The following UBXN2B variants were observed in gnomAD, a reference collection of about 807,000 sequenced individuals.
UBXN2B encodes UBX domain-containing protein 2B.
In UBXN2B, 19 loss-of-function variants were observed where a neutral mutation model predicts 37.5. That is an observed-to-expected ratio of 0.51 (90% confidence interval 0.35 to 0.74). The LOEUF (loss-of-function observed/expected upper bound fraction) is 0.74, where lower values mean the gene tolerates loss of function less well. Among genes scored for constraint, UBXN2B ranks in the 30% least tolerant of loss-of-function variants. The pLI is 0.01. For missense variants in UBXN2B, 370 were observed against 393.2 expected, an observed-to-expected ratio of 0.94 and a Z score of 0.50; for synonymous variants, 145 against 143.8, an observed-to-expected ratio of 1.01 and a Z score of -0.06.
At chr8:58,430,177 G>A (rs188124502) in intron 2 of UBXN2B, among the ~76,000 whole-genome samples, 122 of 152,258 alleles carry the variant, frequency 8.0e-4, no homozygotes, top group African/African-American at 2.7e-3. Flanking sequence ...TTTGACTGTT[G>A]ACACTGCTTT....
intron 3 of UBXN2B, among the ~76,000 whole-genome samples, chr8:58,432,375 C>CGTTTTTTTTT (rs1554552059): frequency 1.2e-5 from 1 of 81,520 alleles, no homozygotes; most frequent in Non-Finnish European, 2.1e-5. Context: ...TTCTAAATTT[C>CGTTTTTTTTT]TTTTTTTTTT....
chr8:58,426,215 T>C (rs1808081097), intron 2 of UBXN2B: 1 of 665,146 alleles, frequency 1.5e-6, no homozygotes, highest in Middle Eastern at 4.5e-4. Context: ...TTTTTTTTTT[T>C]TTTTTTTTTG....
intron 1 of UBXN2B, among the ~76,000 whole-genome samples, chr8:58,412,138 CG>C (rs1807655045): frequency 1.3e-5 from 2 of 152,084 alleles, no homozygotes; most frequent in Non-Finnish European, 2.9e-5. Context: ...TCATTTTAGG[CG>C]TTTTTGTGTC....
chr8:58,450,317 G>A lies in UBXN2B; in HGVS notation c.*2766G>A, dbSNP rs183981493. 6.6e-6 allele frequency: 1 copy of A among 152,290 alleles called. No homozygotes were observed. Among genetic ancestry groups the A allele is most frequent in the East Asian group, 1.9e-4 (1 of 5,182 alleles). 9.4% of individuals were successfully genotyped at this position (152,290 alleles called of 1,614,324 possible). A position where few individuals can be genotyped will look rare whatever the true frequency, so the allele number is the denominator to read the frequency against. On this transcript the variant is annotated 3_prime_UTR_variant, in exon 8 of 8. Coordinates refer to ENST00000399598, the MANE Select transcript of UBXN2B (RefSeq NM_001077619.2). The stretch of plus-strand genomic sequence containing the variant: ...CAGCAGGCTGTACCTTCCACAGCTT[G>A]CTTGGAAATATCCTCAGCTAAATAT...
At chr8:58,435,549 C>T (rs533293792) in intron 5 of UBXN2B, among the ~76,000 whole-genome samples, 7 of 152,104 alleles carry the variant, frequency 4.6e-5, no homozygotes, top group East Asian at 1.9e-4. Flanking sequence ...GGAAGAGCTG[C>T]GAGCAACTAG....
chr8:58,433,179 A>T lies in UBXN2B; in HGVS notation c.359A>T (p.Tyr120Phe). Residue 120 changes from tyrosine (Y) to phenylalanine (F), a missense_variant, in exon 4 of 8, where the codon TAC becomes TTC. Physicochemically the swap from Tyr to Phe is conservative, Grantham distance 22 (BLOSUM62 3). This residue lies in a region of UBXN2B where 197 missense variants were observed against 170.2 expected (regional missense o/e 1.16). Transcript: ENST00000399598. ...DKSKSFTGGG[Y>F]RLGSSFCKRS... Reference sequence around the variant, plus strand: ...TTTTAGTCATTTACAGGTGGAGGATACAGATTGGGTAGTTCTTTTTGTAAG... The same window carrying T: ...TTTTAGTCATTTACAGGTGGAGGATTCAGATTGGGTAGTTCTTTTTGTAAG... 1.2e-6 allele frequency: 2 copies of T among 1,612,968 alleles called. No homozygotes were observed. The highest frequency in any genetic ancestry group is 1.7e-6 in the Non-Finnish European group (2 of 1,179,352).
At chr8:58,426,202 CTTTTT>C (rs34005463) in intron 2 of UBXN2B, 751 of 319,662 alleles carry the variant, frequency 2.3e-3, no homozygotes, top group Admixed American at 3.1e-3. Context: ...TGTTCTGAAT[CTTTTT>C]TTTTTTTTTT....
intron 5 of UBXN2B, chr8:58,434,823 A>C: frequency 1.3e-6 from 2 of 1,535,060 alleles, no homozygotes; most frequent in Non-Finnish European, 1.7e-6. Context: ...GTAGCTGCCC[A>C]CCCACTAAGC....
intron 3 of UBXN2B, among the ~76,000 whole-genome samples, chr8:58,431,569 T>C (rs1269067603): frequency 6.6e-6 from 1 of 152,226 alleles, no homozygotes; most frequent in African/African-American, 2.4e-5. Flanking sequence ...GTTTTATTTC[T>C]CTGAGATAAA....
chr8:58,435,162 A>G (rs1808380144), intron 5 of UBXN2B: 1 of 1,338,292 alleles, frequency 7.5e-7, no homozygotes, highest in African/African-American at 1.5e-5. Flanking sequence ...AAAGTTGAGC[A>G]TAAACTGGGG....
At position 58,447,095 on chromosome 8, in the gene UBXN2B, A is replaced by G. The variant is rs866003702; in HGVS notation, c.834-294A>G. Among the ~76,000 whole-genome samples, 14 of 152,094 alleles carry G rather than the reference A, an allele frequency of 9.2e-5. No individual in the cohort carries two copies. The South Asian group carries it at 2.9e-3, about 32-fold the overall frequency. On this transcript the variant is annotated intron_variant, in intron 7 of 7. Transcript: ENST00000399598. Reference sequence around the variant, plus strand: ...ATTACAGGCGTAAGCCACCGTGCCCAGCTGGACCTGCACTTTTAAAATAAC... The same window carrying G: ...ATTACAGGCGTAAGCCACCGTGCCCGGCTGGACCTGCACTTTTAAAATAAC...
intron 6 of UBXN2B, among the ~76,000 whole-genome samples, chr8:58,440,991 CTT>C (rs1585617885): frequency 6.6e-6 from 1 of 150,738 alleles, no homozygotes; most frequent in South Asian, 2.1e-4. Flanking sequence ...GCTTCTCTTT[CTT>C]TCTCTTTTTT....
At chr8:58,425,545 T>A in intron 2 of UBXN2B, 1 of 1,071,462 alleles carries the variant, frequency 9.3e-7, no homozygotes, top group South Asian at 1.3e-5. Flanking sequence ...ATATCTATTT[T>A]TGTTTTTGTT....
intron 5 of UBXN2B, 40 bp from the exon 6 acceptor site, chr8:58,439,593 G>A: frequency 6.3e-7 from 1 of 1,579,904 alleles, no homozygotes; most frequent in Non-Finnish European, 8.6e-7. Flanking sequence ...TTTAATTCTT[G>A]GAAAACTTAA....
chr8:58,434,899 TG>T, intron 5 of UBXN2B: 1 of 1,535,652 alleles, frequency 6.5e-7, no homozygotes, highest in Non-Finnish European at 8.7e-7. Context: ...CAGCAACTTA[TG>T]TTAGAAATCT....
intron 2 of UBXN2B, among the ~76,000 whole-genome samples, chr8:58,426,858 C>T (rs1228741082): frequency 2.0e-5 from 3 of 152,320 alleles, no homozygotes; most frequent in African/African-American, 7.2e-5. Flanking sequence ...ACTGTGCAGC[C>T]GCCCCCTAGG....
At chr8:58,444,996 T>G (rs865807852) in intron 6 of UBXN2B, among the ~76,000 whole-genome samples, 19 of 152,240 alleles carry the variant, frequency 1.2e-4, no homozygotes, top group Non-Finnish European at 5.9e-5. Context: ...CATGCGTGTC[T>G]TTCTTCCAGA....
chr8:58,442,453 G>T (rs1229245564), intron 6 of UBXN2B, among the ~76,000 whole-genome samples: 1 of 152,104 alleles, frequency 6.6e-6, no homozygotes, highest in Non-Finnish European at 1.5e-5. Flanking sequence ...TACTGAGCAG[G>T]AAATAAAAAG....
Position 58,430,501 on chromosome 8 carries a change from G to T in UBXN2B, c.189-18G>T. On this transcript the variant is annotated intron_variant, in intron 2 of 7. Coordinates refer to ENST00000399598, the MANE Select transcript of UBXN2B (RefSeq NM_001077619.2). ...TCTGTTATCCTAAGTTTTTATTCAT[G>T]AACTAAAATGTTTAAAGGTTTTACT... The T allele has an allele frequency of 1.3e-6, 2 of 1,485,690 alleles. No homozygotes were observed. The highest frequency in any genetic ancestry group is 1.5e-5 in the South Asian group (1 of 67,980). The allele number at this position is 1,485,690 out of a possible 1,614,324, so 92.0% of individuals were successfully genotyped here.
Sources: allele counts gnomAD v4.1 joint callset (sites outside exome capture counted in the v4.1 genomes callset), GRCh38; gene constraint gnomAD v4.1.1; regional missense constraint gnomAD v4.1.1; transcripts MANE v1.5; gene names NCBI Gene and HGNC (gene_info 2026-07-23, HGNC 2026-07-21).